GALNT13: variants seen among roughly 807,000 people sequenced by gnomAD.
The protein encoded by GALNT13 is UDP-GalNAc:polypeptide N-acetylgalactosaminyltransferase 13.
Under a neutral mutation model 64.2 loss-of-function variants are expected in GALNT13, and 28 were observed. The ratio of observed to expected loss-of-function variants is 0.44; its 90% CI spans 0.32 to 0.60. The LOEUF (loss-of-function observed/expected upper bound fraction) is 0.60, where lower values mean the gene tolerates loss of function less well. Ranked by LOEUF, GALNT13 falls within the 20% of genes least tolerant of loss-of-function variation. The pLI, the probability that GALNT13 is intolerant of heterozygous loss-of-function variation, is 0.05. For missense variants in GALNT13, 577 were observed against 669.8 expected (o/e 0.86, Z 1.53); for synonymous variants, 214 against 224.6 (o/e 0.95, Z 0.42).
chr2:153,643,297 A>G, the GALNT13 span, among the ~76,000 whole-genome samples: 2 of 151,686 alleles, frequency 1.3e-5, no homozygotes, highest in African/African-American at 4.8e-5. Context: ...AATAAGCAAT[A>G]CTTTAGGGTT....
intron 9 of GALNT13, among the ~76,000 whole-genome samples, chr2:154,356,226 A>G (rs1320784551): frequency 1.3e-5 from 2 of 151,954 alleles, no homozygotes; most frequent in Non-Finnish European, 2.9e-5. Flanking sequence ...CTAACTGCTA[A>G]GTAGGTTTTC....
chr2:154,018,667 G>A (rs1318352537), intron 3 of GALNT13, among the ~76,000 whole-genome samples: 1 of 151,530 alleles, frequency 6.6e-6, no homozygotes, highest in Non-Finnish European at 1.5e-5. Context: ...TGATGAAGAG[G>A]GTGAGGGGCT....
the GALNT13 span, among the ~76,000 whole-genome samples, chr2:153,133,935 T>C: frequency 8.5e-5 from 13 of 152,218 alleles, no homozygotes; most frequent in South Asian, 2.1e-4. Context: ...AAGAATGCTA[T>C]TGACAGAATG....
the GALNT13 span, among the ~76,000 whole-genome samples, chr2:153,293,433 A>G: frequency 1.3e-4 from 20 of 152,156 alleles, no homozygotes; most frequent in South Asian, 4.2e-3. Context: ...AAGATGCTAT[A>G]CTACTACCTT....
chr2:154,401,991 G>C (rs572699438), intron 10 of GALNT13, among the ~76,000 whole-genome samples: 1 of 152,070 alleles, frequency 6.6e-6, no homozygotes, highest in Non-Finnish European at 1.5e-5. Context: ...ATATCCACAA[G>C]AGCAATCATA....
chr2:153,846,522 A>G, the GALNT13 span, among the ~76,000 whole-genome samples: 1 of 152,146 alleles, frequency 6.6e-6, no homozygotes, highest in Non-Finnish European at 1.5e-5. Context: ...CATTTGTAAG[A>G]TGTTAGATTT....
chr2:154,275,989 G>C (rs764315911), intron 8 of GALNT13, among the ~76,000 whole-genome samples: 1 of 152,084 alleles, frequency 6.6e-6, no homozygotes, highest in Non-Finnish European at 1.5e-5. Context: ...TGGATTTTGG[G>C]CTTGCATTGG....
the GALNT13 span, among the ~76,000 whole-genome samples, chr2:153,235,291 G>A: frequency 6.6e-6 from 1 of 152,168 alleles, no homozygotes; most frequent in African/African-American, 2.4e-5. Context: ...GAATTTGAGA[G>A]TGAGTCCAAA....
At chr2:153,728,134 C>T in the GALNT13 span, among the ~76,000 whole-genome samples, 2 of 151,980 alleles carry the variant, frequency 1.3e-5, no homozygotes, top group African/African-American at 4.8e-5. Context: ...TTTCTTTATT[C>T]AGTCTATTAT....
intron 1 of GALNT13, among the ~76,000 whole-genome samples, chr2:153,896,990 T>G (rs899028807): frequency 2.6e-5 from 4 of 152,184 alleles, no homozygotes; most frequent in African/African-American, 9.6e-5. Flanking sequence ...TTTTGCCTCT[T>G]TTGCTTCATT....
chr2:153,810,118 G>A, the GALNT13 span, among the ~76,000 whole-genome samples: 448 of 151,966 alleles, frequency 2.9e-3, 2 homozygotes, highest in Non-Finnish European at 4.8e-3. Context: ...CCGCCACCAC[G>A]CCCAGCTAAT....
At chr2:153,624,571 A>G in the GALNT13 span, among the ~76,000 whole-genome samples, 3 of 152,128 alleles carry the variant, frequency 2.0e-5, no homozygotes, top group African/African-American at 7.2e-5. Flanking sequence ...GACATGCAAC[A>G]GAGCCAAGTA....
the GALNT13 span, among the ~76,000 whole-genome samples, chr2:153,220,666 A>G: frequency 5.3e-5 from 8 of 152,218 alleles, no homozygotes; most frequent in African/African-American, 1.9e-4. Context: ...GGCCTCTTCC[A>G]AGTGTACTTT....
chr2:153,933,201 C>T (rs551764699), intron 2 of GALNT13, among the ~76,000 whole-genome samples: 1 of 152,180 alleles, frequency 6.6e-6, no homozygotes, highest in East Asian at 1.9e-4. Flanking sequence ...AATGATCTGT[C>T]TAATACTGTT....
chr2:153,718,618 C>T, the GALNT13 span, among the ~76,000 whole-genome samples: 2 of 152,108 alleles, frequency 1.3e-5, no homozygotes, highest in Admixed American at 1.3e-4. Context: ...TCTTCATATT[C>T]TTCTAACGCA....
the GALNT13 span, among the ~76,000 whole-genome samples, chr2:153,390,322 G>A: frequency 2.6e-5 from 4 of 152,176 alleles, no homozygotes; most frequent in South Asian, 8.3e-4. Context: ...GAGGTGGGGG[G>A]CTAGGGGCAG....
At chr2:153,385,590 T>G in the GALNT13 span, among the ~76,000 whole-genome samples, 4 of 151,894 alleles carry the variant, frequency 2.6e-5, no homozygotes, top group Non-Finnish European at 5.9e-5. Context: ...GGGTACGAAA[T>G]AAGCTAGAAA....
At chr2:153,316,639 C>CAAAAAAAAAA in the GALNT13 span, among the ~76,000 whole-genome samples, 242 of 69,778 alleles carry the variant, frequency 3.5e-3, 13 homozygotes, top group African/African-American at 5.5e-3. Flanking sequence ...GACTCCGTCT[C>CAAAAAAAAAA]AAAAAAAAAA....
At chr2:154,067,172 A>G (rs1272244641) in intron 3 of GALNT13, among the ~76,000 whole-genome samples, 1 of 152,084 alleles carries the variant, frequency 6.6e-6, no homozygotes, top group Non-Finnish European at 1.5e-5. Flanking sequence ...AAAGAAAGAA[A>G]TTAAACATAC....
Sources: gnomAD v4.1 joint callset for allele counts (sites outside exome capture counted in the v4.1 genomes callset) on GRCh38, gnomAD v4.1.1 for gene constraint, MANE v1.5 for transcripts, NCBI Gene and HGNC (gene_info 2026-07-23, HGNC 2026-07-21) for gene names.